Variants in MFSD8 observed in about 807,000 individuals in gnomAD.
MFSD8 encodes the protein major facilitator superfamily domain containing 8.
Under a neutral mutation model 66.4 loss-of-function variants are expected in MFSD8, and 55 were observed. That is an observed-to-expected ratio of 0.83 (90% CI 0.67 to 1.04). MFSD8 has a LOEUF of 1.04. Ranked by LOEUF, MFSD8 falls within the 50% of genes least tolerant of loss-of-function variation. The probability of loss-of-function intolerance (pLI) is 0.00; values close to 1 mark genes in which losing one functional copy is unlikely to be tolerated. For synonymous variants in MFSD8, 202 were observed against 212.8 expected (o/e 0.95, Z 0.44); for missense variants, 550 against 627.6 (o/e 0.88, Z 1.32).
intron 7 of MFSD8, among the ~76,000 whole-genome samples, chr4:127,935,880 A>C (rs1738985448): frequency 6.6e-6 from 1 of 152,206 alleles, no homozygotes; most frequent in Admixed American, 6.5e-5. Context: ...CATAGCTCTC[A>C]ATCTTTGCTG....
chr4:127,953,842 T>C lies in MFSD8; in HGVS notation c.154+3659A>G, dbSNP rs563195001. ...GGTGAAAATGTATTATAAAGAATTGTTGAAAATATCCTTTATCATTCACTT... is the reference window on the plus strand; with the variant it reads ...GGTGAAAATGTATTATAAAGAATTGCTGAAAATATCCTTTATCATTCACTT... On this transcript the variant is annotated intron_variant, in intron 2 of 11. Coordinates refer to ENST00000641686, the MANE Select transcript of MFSD8 (RefSeq NM_001371596.2). Among the ~76,000 whole-genome samples the C allele has an allele frequency of 1.7e-3, 252 of 152,304 alleles. 1 individual carries two copies. The highest frequency in any genetic ancestry group is 3.1e-3 in the Non-Finnish European group (213 of 68,018).
chr4:127,960,793 C>T lies in MFSD8; in HGVS notation c.63-3201G>A, dbSNP rs1467638816. On this transcript the variant is annotated intron_variant, in intron 1 of 11. Coordinates refer to ENST00000641686, the MANE Select transcript of MFSD8 (RefSeq NM_001371596.2). ...TATTTATCAGTTTGATGACAGAAAA[C>T]ACCAACTCTGAAGTGCAATTAAGGA... Among the ~76,000 whole-genome samples, 6 of 152,096 alleles carry T rather than the reference C, an allele frequency of 3.9e-5. No individual in the cohort carries two copies. In the East Asian group the frequency reaches 1.2e-3, roughly 29 times the overall value.
chr4:127,940,164 T>A (rs562947591), intron 5 of MFSD8, among the ~76,000 whole-genome samples, 167 bp from the exon 6 acceptor site: 11 of 152,292 alleles, frequency 7.2e-5, no homozygotes, highest in Admixed American at 2.0e-4. Context: ...TCAAAAAATT[T>A]CCTCTTTTTA....
intron 2 of MFSD8, among the ~76,000 whole-genome samples, chr4:127,956,241 C>T (rs1742837646): frequency 6.6e-6 from 1 of 152,012 alleles, no homozygotes; most frequent in South Asian, 2.1e-4. Context: ...TGCGGTGGCT[C>T]AGGCCTGTAA....
Position 127,920,382 on chromosome 4 carries a change from A to G in MFSD8, c.*248T>C, listed in dbSNP as rs1197271313. 1 of 502,014 alleles carries G rather than the reference A, an allele frequency of 2.0e-6. No individual in the cohort carries two copies. The highest frequency in any genetic ancestry group is 3.7e-5 in the East Asian group (1 of 26,674). The allele number at this position is 502,014 out of a possible 1,614,324, so 31.1% of individuals were successfully genotyped here. ...TCACTCATTAGTTCATGCAACCACA[A>G]AAAGGTATTATAAGAATAATATTTC... On this transcript the variant is annotated 3_prime_UTR_variant, in exon 12 of 12. Transcript: ENST00000641686.
chr4:127,939,689 T>C, intron 6 of MFSD8, 164 bp downstream of exon 6: 1 of 517,090 alleles, frequency 1.9e-6, no homozygotes, highest in Non-Finnish European at 3.3e-6. Context: ...TGTCTTTTGG[T>C]TGCCAGTATT....
rs1736369601 is a variant in MFSD8 at position 127,921,772 on chromosome 4, CT to C, written c.1103-2del. On this transcript the variant is annotated splice_acceptor_variant, in intron 10 of 11. Coordinates refer to ENST00000641686, the MANE Select transcript of MFSD8 (RefSeq NM_001371596.2). LOFTEE classifies it high-confidence loss of function. ...TTAGGGATTGAATTATTGTGCAAAT[CT>C]GTAAAAACAAAACCATTGCAGTGCA... is the stretch of plus-strand genomic sequence containing the variant. The C allele has an allele frequency of 2.5e-6, 4 of 1,614,088 alleles. No individual in the cohort carries two copies. The highest frequency in any genetic ancestry group is 3.4e-6 in the Non-Finnish European group (4 of 1,179,998).
At chr4:127,931,985 C>G (rs536708639) in intron 8 of MFSD8, among the ~76,000 whole-genome samples, 7 of 152,086 alleles carry the variant, frequency 4.6e-5, no homozygotes, top group African/African-American at 1.7e-4. Context: ...GTGGCGCATG[C>G]CTGTGGTCCC....
At position 127,947,898 on chromosome 4, in the gene MFSD8, A is replaced by ACACACTCT. The variant is rs777137519; in HGVS notation, c.198+1905_198+1906insAGAGTGTG. 4.6e-3 allele frequency among the ~76,000 whole-genome samples: 677 copies of ACACACTCT among 146,900 alleles called. 5 individuals carry two copies. In the East Asian group the frequency reaches 0.054, roughly 12 times the overall value. On this transcript the variant is annotated intron_variant, in intron 3 of 11. Transcript: ENST00000641686. ...CACACACACACACACACACACACAC[A>ACACACTCT]CTCTCTCTCCAACCTCATAGAAAAA...
chr4:127,960,696 T>C (rs1356453225), intron 1 of MFSD8, among the ~76,000 whole-genome samples: 3 of 152,156 alleles, frequency 2.0e-5, no homozygotes, highest in Admixed American at 1.3e-4. Context: ...TAGGCTAAGG[T>C]TGCAAAAAAA....
intron 2 of MFSD8, among the ~76,000 whole-genome samples, chr4:127,953,724 C>T (rs1229673035): frequency 6.6e-6 from 1 of 151,698 alleles, no homozygotes; most frequent in African/African-American, 2.4e-5. Context: ...ACCTCGTGAT[C>T]CGCCCGCCTC....
At position 127,935,587 on chromosome 4, in the gene MFSD8, T is replaced by C. The variant is rs1400446018; in HGVS notation, c.755-2494A>G. 2.6e-5 allele frequency among the ~76,000 whole-genome samples: 4 copies of C among 152,182 alleles called. No individual in the cohort carries two copies. The South Asian group carries it at 8.3e-4, about 31-fold the overall frequency. On this transcript the variant is annotated intron_variant, in intron 7 of 11. Coordinates refer to ENST00000641686, the MANE Select transcript of MFSD8 (RefSeq NM_001371596.2). ...TTTTATGCAAACATTTATTGAAATTTAAAAATTTTATTTTATAAAAATTAT... is the reference window on the plus strand; with the variant it reads ...TTTTATGCAAACATTTATTGAAATTCAAAAATTTTATTTTATAAAAATTAT...
intron 9 of MFSD8, among the ~76,000 whole-genome samples, chr4:127,925,762 T>C (rs1737097146): frequency 6.6e-6 from 1 of 152,206 alleles, no homozygotes; most frequent in African/African-American, 2.4e-5. Flanking sequence ...GGATTATAAA[T>C]CATTCTACTA....
At position 127,939,932 on chromosome 4, in the gene MFSD8, T is replaced by C. The variant is rs1578889540; in HGVS notation, c.619A>G (p.Ile207Val). Residue 207 changes from isoleucine to valine, a missense_variant, in exon 6 of 12, where the codon ATA becomes GTA. Ile to Val is a conservative substitution (Grantham distance 29). Transcript: ENST00000641686. ...AAAACTGGTGTTGTATACATGTTTA[T>C]CTGCAGTTTAATCACATCCCATGTC... ...GVTWDVIKLQ[I>V]NMYTTPVLLS... 3 of 1,613,672 alleles carry C rather than the reference T, an allele frequency of 1.9e-6. No individual in the cohort carries two copies. Among genetic ancestry groups the C allele is most frequent in the Non-Finnish European group, 2.5e-6 (3 of 1,179,728 alleles).
At chr4:127,957,415 A>G (rs1743070999) in intron 2 of MFSD8, 86 bp downstream of exon 2, 3 of 965,998 alleles carry the variant, frequency 3.1e-6, no homozygotes, top group Middle Eastern at 2.8e-4. Flanking sequence ...AGATAATTTC[A>G]GAGGCAATGA....
intron 3 of MFSD8, among the ~76,000 whole-genome samples, chr4:127,947,364 T>C (rs113868637): frequency 6.6e-6 from 1 of 151,904 alleles, no homozygotes; most frequent in Non-Finnish European, 1.5e-5. Context: ...GTGGACCACC[T>C]GAGGTCAGGT....
intron 9 of MFSD8, among the ~76,000 whole-genome samples, chr4:127,929,727 A>G (rs946658412): frequency 4.6e-5 from 7 of 152,198 alleles, no homozygotes; most frequent in Non-Finnish European, 1.0e-4. Context: ...AAGAAATAAG[A>G]CCTAGTTTTC....
intron 1 of MFSD8, among the ~76,000 whole-genome samples, chr4:127,962,447 C>T (rs1249017387): frequency 6.6e-6 from 1 of 152,024 alleles, no homozygotes; most frequent in East Asian, 1.9e-4. Context: ...CAGACTAGCC[C>T]ACAGAGCAAG....
chr4:127,931,354 G>A lies in MFSD8; in HGVS notation c.864-537C>T, dbSNP rs371328251. Among the ~76,000 whole-genome samples, 25 of 152,048 alleles carry A rather than the reference G, an allele frequency of 1.6e-4. No individual in the cohort carries two copies. In the East Asian group the frequency reaches 4.4e-3, roughly 27 times the overall value. Reference sequence around the variant, plus strand: ...CTACAAAATGCAATTTATATTTATTGTTTATTACTATTATTTTTGAGACGC... The same window carrying A: ...CTACAAAATGCAATTTATATTTATTATTTATTACTATTATTTTTGAGACGC... On this transcript the variant is annotated intron_variant, in intron 8 of 11. Coordinates refer to ENST00000641686, the MANE Select transcript of MFSD8 (RefSeq NM_001371596.2).
Sources: gnomAD v4.1 joint callset for allele counts (sites outside exome capture counted in the v4.1 genomes callset) on GRCh38, gnomAD v4.1.1 for gene constraint, MANE v1.5 for transcripts, NCBI Gene and HGNC (gene_info 2026-07-23, HGNC 2026-07-21) for gene names.